MACROD1: variants seen among roughly 807,000 people sequenced by gnomAD.
The protein encoded by MACROD1 is ADP-ribose glycohydrolase MACROD1.
In MACROD1, 31 loss-of-function variants were observed where a neutral mutation model predicts 41.4. That is an observed-to-expected ratio of 0.75 (90% CI 0.56 to 1.01). MACROD1 has a LOEUF of 1.01. MACROD1 is among the 50% of genes least tolerant of loss of function. The pLI, the probability that MACROD1 is intolerant of heterozygous loss-of-function variation, is 0.00. For synonymous variants in MACROD1, 252 were observed against 203.4 expected (o/e 1.24, Z -2.03); for missense variants, 473 against 460.0 (o/e 1.03, Z -0.26).
chr11:64,138,426 T>G, intron 3 of MACROD1: 1 of 800,048 alleles, frequency 1.2e-6, no homozygotes, highest in Non-Finnish European at 1.5e-6. Context: ...CTCACAAATG[T>G]CAATTCTGGG....
chr11:64,015,400 G>A, intron 3 of MACROD1, 119 bp from the exon 4 acceptor site: 2 of 877,616 alleles, frequency 2.3e-6, no homozygotes, highest in Non-Finnish European at 3.5e-6. Context: ...TTCAGACTTG[G>A]GCACAGGGTC....
At chr11:64,000,092 G>T in intron 5 of MACROD1, 135 bp downstream of exon 5, 1 of 691,700 alleles carries the variant, frequency 1.4e-6, no homozygotes, top group Non-Finnish European at 2.4e-6. Context: ...TGGGGGCCGG[G>T]TCTTGGCCCT....
intron 4 of MACROD1, among the ~76,000 whole-genome samples, chr11:64,011,612 C>T (rs1014328877): frequency 3.9e-5 from 6 of 151,948 alleles, no homozygotes; most frequent in Non-Finnish European, 5.9e-5. Context: ...GGGAGGCAGG[C>T]AATGAAGAAC....
intron 3 of MACROD1, among the ~76,000 whole-genome samples, chr11:64,046,792 C>A (rs911389696): frequency 2.0e-5 from 3 of 152,198 alleles, no homozygotes; most frequent in African/African-American, 7.2e-5. Context: ...AGCCGCTGCG[C>A]CTGGCCTGGC....
intron 3 of MACROD1, among the ~76,000 whole-genome samples, chr11:64,121,077 C>T (rs564923137): frequency 2.3e-4 from 35 of 152,214 alleles, no homozygotes; most frequent in South Asian, 4.2e-4. Flanking sequence ...GGCAGGAGTG[C>T]GGGAGACTTA....
chr11:64,038,515 G>A (rs535591695), intron 3 of MACROD1, among the ~76,000 whole-genome samples: 3 of 152,308 alleles, frequency 2.0e-5, no homozygotes, highest in Admixed American at 2.0e-4. Flanking sequence ...AGAGCCCAGA[G>A]GCCAGCACGG....
intron 3 of MACROD1, among the ~76,000 whole-genome samples, chr11:64,113,486 A>C (rs965293031): frequency 2.0e-5 from 3 of 149,008 alleles, no homozygotes; most frequent in Non-Finnish European, 4.4e-5. Flanking sequence ...ATATGGATGG[A>C]TGGATGGATG....
intron 3 of MACROD1, among the ~76,000 whole-genome samples, chr11:64,079,068 G>T (rs1232897196): frequency 6.6e-6 from 1 of 152,044 alleles, no homozygotes; most frequent in Non-Finnish European, 1.5e-5. Flanking sequence ...CAGACCGGGG[G>T]CGGTGGGGAG....
At chr11:63,999,082 C>G in intron 8 of MACROD1, 46 bp from the exon 9 acceptor site, 1 of 1,534,988 alleles carries the variant, frequency 6.5e-7, no homozygotes, top group Non-Finnish European at 8.8e-7. Flanking sequence ...CACGCCTGGC[C>G]CCAGGATCCT....
Position 64,096,107 on chromosome 11 carries a change from G to A in MACROD1, c.517+55132C>T, listed in dbSNP as rs1425789772. On this transcript the variant is annotated intron_variant, in intron 3 of 10. Transcript: ENST00000255681. This position sits in a 1 kb window ranked among gnomAD's most constrained non-coding sequence, Gnocchi z 4.6. ...CCACTTCACAGCCAGGCTGCCAGGA[G>A]ACGCTGTGAGAGTGCCCAGACCCTG... Among the ~76,000 whole-genome samples, 1 of 152,260 alleles carries A rather than the reference G, an allele frequency of 6.6e-6. No individual in the cohort carries two copies. The highest frequency in any genetic ancestry group is 1.5e-5 in the Non-Finnish European group (1 of 68,044).
Position 64,122,487 on chromosome 11 carries a change from A to G in MACROD1, c.517+28752T>C, listed in dbSNP as rs921309176. On this transcript the variant is annotated intron_variant, in intron 3 of 10. Coordinates refer to ENST00000255681, the MANE Select transcript of MACROD1 (RefSeq NM_014067.4). The surrounding 1 kb of genome is among the most constrained non-coding windows in gnomAD (Gnocchi z 4.0). Reference sequence around the variant, plus strand: ...GTGTGCCTCTTCTCCCTCCCTCTACACAGGCACCGGGTCTCCTCCTTCCCC... The same window carrying G: ...GTGTGCCTCTTCTCCCTCCCTCTACGCAGGCACCGGGTCTCCTCCTTCCCC... Among the ~76,000 whole-genome samples, 1 of 152,048 alleles carries G rather than the reference A, an allele frequency of 6.6e-6. No homozygotes were observed. Among genetic ancestry groups the G allele is most frequent in the South Asian group, 2.1e-4 (1 of 4,816 alleles).
chr11:64,141,020 AGCAACTCGGGAG>A (rs1945405359), intron 3 of MACROD1, among the ~76,000 whole-genome samples: 1 of 152,242 alleles, frequency 6.6e-6, no homozygotes, highest in Non-Finnish European at 1.5e-5. Context: ...CTGTGGTCCC[AGCAACTCGGGAG>A]GCTAAGGTGG....
chr11:64,100,538 G>T (rs543870709), intron 3 of MACROD1, among the ~76,000 whole-genome samples: 10 of 152,348 alleles, frequency 6.6e-5, no homozygotes, highest in African/African-American at 2.4e-4. Flanking sequence ...ACTCGAGCCA[G>T]AAGGGTGGCC....
At chr11:64,053,911 C>T (rs369601859) in intron 3 of MACROD1, among the ~76,000 whole-genome samples, 1 of 152,128 alleles carries the variant, frequency 6.6e-6, no homozygotes, top group Non-Finnish European at 1.5e-5. Context: ...TCATCCCCCC[C>T]ACCACCTCTG....
At chr11:64,057,705 A>G (rs1035211646) in intron 3 of MACROD1, among the ~76,000 whole-genome samples, 2 of 152,098 alleles carry the variant, frequency 1.3e-5, no homozygotes, top group African/African-American at 4.8e-5. Context: ...CTGTACCCAG[A>G]CCTGAGGGAG....
intron 3 of MACROD1, among the ~76,000 whole-genome samples, chr11:64,043,892 A>G (rs1590830468): frequency 6.6e-6 from 1 of 151,100 alleles, no homozygotes; most frequent in Admixed American, 6.6e-5. Flanking sequence ...GCTCACAGCA[A>G]CCTCTGTCTG....
intron 1 of MACROD1, among the ~76,000 whole-genome samples, chr11:64,156,659 T>A (rs909753713): frequency 3.9e-5 from 6 of 152,168 alleles, no homozygotes; most frequent in African/African-American, 9.7e-5. Flanking sequence ...CTGCCCTCCC[T>A]AAGCATGGTA....
intron 3 of MACROD1, among the ~76,000 whole-genome samples, chr11:64,017,103 G>A (rs901417475): frequency 6.6e-6 from 1 of 152,150 alleles, no homozygotes; most frequent in Non-Finnish European, 1.5e-5. Context: ...CTGAGTAGCT[G>A]GGACTACAGG....
At chr11:64,019,783 G>A (rs1254855804) in intron 3 of MACROD1, among the ~76,000 whole-genome samples, 8 of 152,186 alleles carry the variant, frequency 5.3e-5, no homozygotes, top group Non-Finnish European at 1.2e-4. Flanking sequence ...ATGCTGTGGC[G>A]AGGGGAATGG....
Sources: gnomAD v4.1 joint callset for allele counts (sites outside exome capture counted in the v4.1 genomes callset) on GRCh38, gnomAD v4.1.1 for gene constraint, Gnocchi (gnomAD v3.1) non-coding constraint, MANE v1.5 for transcripts, NCBI Gene and HGNC (gene_info 2026-07-23, HGNC 2026-07-21) for gene names.